The following CFAP46 variants were observed in gnomAD, a reference collection of about 807,000 sequenced individuals.
The protein encoded by CFAP46 is cilia and flagella associated protein 46.
Under a neutral mutation model 325.7 loss-of-function variants are expected in CFAP46, and 245 were observed. The ratio of observed to expected loss-of-function variants is 0.75; its 90% CI spans 0.68 to 0.84. The LOEUF is 0.84. CFAP46 is among the 40% of genes least tolerant of loss of function. The pLI, the probability that CFAP46 is intolerant of heterozygous loss-of-function variation, is 0.00. For missense variants in CFAP46, 3,346 were observed against 3,543.0 expected (o/e 0.94, Z 1.41); for synonymous variants, 1,523 against 1,495.9 (o/e 1.02, Z -0.42).
chr10:132,821,368 T>A (rs1352491228), intron 50 of CFAP46, among the ~76,000 whole-genome samples: 1 of 143,376 alleles, frequency 7.0e-6, no homozygotes, highest in Non-Finnish European at 1.5e-5. Flanking sequence ...GTGTGTGCTG[T>A]GTGCTGTGTG....
intron 33 of CFAP46, among the ~76,000 whole-genome samples, chr10:132,868,324 A>G (rs1251446814): frequency 6.6e-6 from 1 of 152,016 alleles, no homozygotes; most frequent in Non-Finnish European, 1.5e-5. Context: ...GGCCTCCACA[A>G]CTCCTTTGCT....
intron 18 of CFAP46, 28 bp downstream of exon 18, chr10:132,913,018 G>A: frequency 1.1e-5 from 17 of 1,545,564 alleles, no homozygotes; most frequent in Non-Finnish European, 1.5e-5. Context: ...GCCCCTCCCT[G>A]CGTGAACGCA....
chr10:132,866,069 G>T lies in CFAP46; in HGVS notation c.4846C>A (p.Gln1616Lys). 6.5e-7 allele frequency: 1 copy of T among 1,545,912 alleles called. No individual in the cohort carries two copies. The highest frequency in any genetic ancestry group is 8.7e-7 in the Non-Finnish European group (1 of 1,144,704). ...TCCGACAGGAGCAGCCGTGCAGGCT[G>T]GTACAGGTTCATCTCCAGCAGAACT... ...AEVLLEMNLY[Q>K]PARLLLSEAY... Residue 1616 changes from glutamine to lysine, a missense_variant, in exon 35 of 58, where the codon CAG (glutamine) becomes AAG (lysine). Coordinates refer to ENST00000368586, the MANE Select transcript of CFAP46 (RefSeq NM_001200049.3).
intron 22 of CFAP46, among the ~76,000 whole-genome samples, chr10:132,904,601 C>T (rs534733504): frequency 6.6e-6 from 1 of 152,368 alleles, no homozygotes; most frequent in Admixed American, 6.5e-5. Context: ...AGTGGCACGG[C>T]CAGGGCGCCC....
Position 132,885,214 on chromosome 10 carries a change from G to A in CFAP46, c.3516C>T (p.Phe1172=), listed in dbSNP as rs2135393183. ...GQNFSMEIQK[F]KAESEDYLAR... ...CCAAGTAGTCCTCACTCTCGGCCTT[G>A]AATTTCTGTATTTCCATCGAAAAAT... Residue 1172 remains phenylalanine (F), a synonymous_variant, in exon 27 of 58, where the codon TTC becomes TTT. Transcript: ENST00000368586. 1 of 1,550,500 alleles carries A rather than the reference G, an allele frequency of 6.4e-7. No homozygotes were observed. Among genetic ancestry groups the A allele is most frequent in the Non-Finnish European group, 8.7e-7 (1 of 1,146,980 alleles).
At position 132,918,954 on chromosome 10, in the gene CFAP46, C is replaced by T. The variant is rs181929142; in HGVS notation, c.1858+361G>A. Among the ~76,000 whole-genome samples the T allele has an allele frequency of 4.9e-3, 743 of 152,360 alleles. 3 individuals are homozygous for T. The highest frequency in any genetic ancestry group is 8.7e-3 in the Non-Finnish European group (589 of 68,038). The stretch of plus-strand genomic sequence containing the variant: ...CCAGGGCCGGGTGCTGATTGATGAG[C>T]CTGCCCCACCCATGTCCCGCTCCAC... On this transcript the variant is annotated intron_variant, in intron 15 of 57. Coordinates refer to ENST00000368586, the MANE Select transcript of CFAP46 (RefSeq NM_001200049.3).
chr10:132,812,519 G>C, intron 55 of CFAP46, among the ~76,000 whole-genome samples: 1 of 152,192 alleles, frequency 6.6e-6, no homozygotes, highest in Non-Finnish European at 1.5e-5. Context: ...TGGGTGGAGT[G>C]GGGGCACTCG....
At position 132,836,822 on chromosome 10, in the gene CFAP46, C is replaced by T. The variant is rs770930972; in HGVS notation, c.6531G>A (p.Gly2177=). 7.4e-6 allele frequency: 12 copies of T among 1,613,312 alleles called. No homozygotes were observed. The East Asian group carries it at 2.5e-4, about 33-fold the overall frequency. The stretch of plus-strand genomic sequence containing the variant: ...ACAAGAAGGAGCGGCTTTACCTGTC[C>T]CCTGAGAGGTGCAGAAAGAGGATCC... ...TFWILFLHLS[G]DRSRLYGAAY... The change falls in exon 45 of 58, where the codon GGG becomes GGA. Residue 2177 remains glycine, a synonymous_variant. Coordinates refer to ENST00000368586, the MANE Select transcript of CFAP46 (RefSeq NM_001200049.3).
In CFAP46 at chr10:132,860,888, A is replaced by T. The variant is rs1385722096; in HGVS notation, c.4985T>A (p.Ile1662Asn). The T allele has an allele frequency of 1.3e-5, 20 of 1,550,754 alleles. No individual in the cohort carries two copies. In the East Asian group the frequency reaches 4.6e-4, roughly 36 times the overall value. ...EKNYGQAKKM[I>N]AQAQHLGGSE... ...TCCGCCCAGGTGCTGGGCCTGTGCG[A>T]TCATTTTCTTGGCTTGTCCATAGTT... is the stretch of plus-strand genomic sequence containing the variant. The change falls in exon 36 of 58, where the codon ATC becomes AAC. Residue 1662 changes from isoleucine to asparagine, a missense_variant. By Grantham distance (149) the Ile-to-Asn change is moderately radical. Transcript: ENST00000368586.
At position 132,929,814 on chromosome 10, in the gene CFAP46, A is replaced by G; in HGVS notation, c.867-10T>C. On this transcript the variant is annotated splice_polypyrimidine_tract_variant and intron_variant, in intron 8 of 57. Coordinates refer to ENST00000368586, the MANE Select transcript of CFAP46 (RefSeq NM_001200049.3). The stretch of plus-strand genomic sequence containing the variant: ...AAAAAGCAAAAGCATTCTGCAAACA[A>G]ACAAACCAGCCAGCACCGGCTCAAT... 6.2e-7 allele frequency: 1 copy of G among 1,603,422 alleles called. No individual in the cohort carries two copies. Among genetic ancestry groups the G allele is most frequent in the South Asian group, 1.1e-5 (1 of 90,650 alleles).
chr10:132,923,958 G>C (rs1422577648), intron 11 of CFAP46, among the ~76,000 whole-genome samples: 2 of 152,260 alleles, frequency 1.3e-5, no homozygotes, highest in East Asian at 3.9e-4. Context: ...AGAGAAGGTG[G>C]GAAGGAGCAC....
intron 39 of CFAP46, among the ~76,000 whole-genome samples, chr10:132,853,191 T>C (rs1296339239): frequency 1.3e-5 from 2 of 152,228 alleles, no homozygotes; most frequent in Admixed American, 6.5e-5. Context: ...AGCTTTTTCA[T>C]AGATGTCCTT....
At position 132,860,881 on chromosome 10, in the gene CFAP46, C is replaced by G; in HGVS notation, c.4992G>C (p.Gln1664His). The change falls in exon 36 of 58, where the codon CAG (glutamine) becomes CAC (histidine). Residue 1664 changes from glutamine to histidine, a missense_variant. By Grantham distance (24) the Gln-to-His change is conservative. Coordinates refer to ENST00000368586, the MANE Select transcript of CFAP46 (RefSeq NM_001200049.3). Reference protein sequence around the residue: ...NYGQAKKMIAQAQHLGGSEEF... With the variant: ...NYGQAKKMIAHAQHLGGSEEF... ...CCTCACTTCCGCCCAGGTGCTGGGCCTGTGCGATCATTTTCTTGGCTTGTC... is the reference window on the plus strand; with the variant it reads ...CCTCACTTCCGCCCAGGTGCTGGGCGTGTGCGATCATTTTCTTGGCTTGTC... The G allele has an allele frequency of 6.4e-7, 1 of 1,550,944 alleles. No homozygotes were observed. Among genetic ancestry groups the G allele is most frequent in the East Asian group, 2.4e-5 (1 of 40,918 alleles).
Position 132,890,971 on chromosome 10 carries a change from T to A in CFAP46, c.3304+1362A>T, listed in dbSNP as rs140857315. ...CCTTAGGACTCTTAACAGGGATAAT[T>A]TTTTTTAGCAGACAATTTTTTTTCT... is the stretch of plus-strand genomic sequence containing the variant. On this transcript the variant is annotated intron_variant, in intron 25 of 57. Transcript: ENST00000368586. Among the ~76,000 whole-genome samples the A allele has an allele frequency of 1.4e-3, 209 of 152,324 alleles. 3 individuals carry two copies. Among genetic ancestry groups the A allele is most frequent in the Non-Finnish European group, 4.0e-4 (27 of 68,024 alleles).
chr10:132,810,399 C>T lies in CFAP46; in HGVS notation c.7664+10G>A. 6.2e-7 allele frequency: 1 copy of T among 1,612,898 alleles called. No individual in the cohort carries two copies. On this transcript the variant is annotated intron_variant, in intron 57 of 57. Coordinates refer to ENST00000368586, the MANE Select transcript of CFAP46 (RefSeq NM_001200049.3). ...TGAAGGCCGCGGGGTGCAGGCCGCC[C>T]CTCCCTTACCTTGGTTCACCGCCTC...
In CFAP46 at chr10:132,829,099, A is replaced by C. The variant is rs1848108221; in HGVS notation, c.7117+4259T>G. ...TAACTTCTACAAAAAAAAAAAAAAA[A>C]ACATCCTGTGGAGATTTTGACTAGA... On this transcript the variant is annotated intron_variant, in intron 50 of 57. Transcript: ENST00000368586. 2.7e-5 allele frequency among the ~76,000 whole-genome samples: 4 copies of C among 146,504 alleles called. No individual in the cohort carries two copies. In the South Asian group the frequency reaches 8.8e-4, roughly 32 times the overall value.
Position 132,817,681 on chromosome 10 carries a change from C to T in CFAP46, c.7118-2767G>A, listed in dbSNP as rs556159315. On this transcript the variant is annotated intron_variant, in intron 50 of 57. Coordinates refer to ENST00000368586, the MANE Select transcript of CFAP46 (RefSeq NM_001200049.3). This position sits in a 1 kb window ranked among gnomAD's most constrained non-coding sequence, Gnocchi z 4.4. ...GCGGCGCCCCAGACTCAGCGGTTGGCGGCTGAGGACACTCAAGGCTCTAGA... is the reference window on the plus strand; with the variant it reads ...GCGGCGCCCCAGACTCAGCGGTTGGTGGCTGAGGACACTCAAGGCTCTAGA... Among the ~76,000 whole-genome samples the T allele has an allele frequency of 2.6e-4, 40 of 152,322 alleles. No homozygotes were observed. Among genetic ancestry groups the T allele is most frequent in the African/African-American group, 6.3e-4 (26 of 41,576 alleles).
At chr10:132,926,870 G>A (rs565974933) in intron 9 of CFAP46, among the ~76,000 whole-genome samples, 62 of 152,212 alleles carry the variant, frequency 4.1e-4, no homozygotes, top group Admixed American at 9.2e-4. Flanking sequence ...GTCTGCCTGC[G>A]GGCCCCACCA....
rs141684214 is a variant in CFAP46, at chr10:132,851,287, G to A, written c.5593C>T (p.Pro1865Ser). Reference protein sequence around the residue: ...SLQDLQNVNTPLMRKLARLKL... With the variant: ...SLQDLQNVNTSLMRKLARLKL... ...AGGCGCGCCAGCTTCCTCATCAGGG[G>A]CGTGTTGACGTTCTGCAACTGAGGG... The change falls in exon 40 of 58, where the codon CCC (proline) becomes TCC (serine). Residue 1865 changes from proline (P) to serine (S), a missense_variant. Transcript: ENST00000368586. The A allele has an allele frequency of 6.2e-7, 1 of 1,613,794 alleles. No homozygotes were observed. The highest frequency in any genetic ancestry group is 8.5e-7 in the Non-Finnish European group (1 of 1,179,940).
Sources: gnomAD v4.1 joint callset for allele counts (sites outside exome capture counted in the v4.1 genomes callset) on GRCh38, gnomAD v4.1.1 for gene constraint, Gnocchi (gnomAD v3.1) non-coding constraint, MANE v1.5 for transcripts, NCBI Gene and HGNC (gene_info 2026-07-23, HGNC 2026-07-21) for gene names.